The following SIPA1L2 variants were observed in gnomAD, a reference collection of about 807,000 sequenced individuals.
The protein encoded by SIPA1L2 is signal-induced proliferation-associated 1-like protein 2.
A neutral mutation model predicts 163.9 loss-of-function variants in SIPA1L2; 56 were observed. The observed-to-expected ratio is 0.34, with a 90% CI of 0.28 to 0.43. The LOEUF (loss-of-function observed/expected upper bound fraction) is 0.43. Ranked by LOEUF, SIPA1L2 falls within the 20% of genes least tolerant of loss-of-function variation. The probability of loss-of-function intolerance (pLI) is 1.00; values close to 1 mark genes in which losing one functional copy is unlikely to be tolerated. For missense variants in SIPA1L2, 1,974 were observed against 2,193.5 expected (o/e 0.90, Z 2.00); for synonymous variants, 877 against 865.7 (o/e 1.01, Z -0.23).
intron 19 of SIPA1L2, 73 bp downstream of exon 19, chr1:232,415,421 A>G: frequency 1.3e-6 from 2 of 1,496,586 alleles, no homozygotes; most frequent in Non-Finnish European, 1.8e-6. Flanking sequence ...GGGCTCCCCT[A>G]AGATGCCGCA....
intron 2 of SIPA1L2, among the ~76,000 whole-genome samples, chr1:232,519,573 A>AATCACACCTGTCC (rs1376722871): frequency 1.3e-5 from 2 of 152,162 alleles, no homozygotes; most frequent in Non-Finnish European, 2.9e-5. Flanking sequence ...AGCAGCTGTG[A>AATCACACCTGTCC]ATCACACCTG....
intron 2 of SIPA1L2, among the ~76,000 whole-genome samples, chr1:232,543,930 A>C (rs1657849952): frequency 6.6e-6 from 1 of 152,232 alleles, no homozygotes; most frequent in African/African-American, 2.4e-5. Context: ...GCTTCCAAAC[A>C]ACAGTAAGCC....
chr1:232,618,199 A>C (rs1030665725), intron 1 of SIPA1L2, among the ~76,000 whole-genome samples: 1 of 152,242 alleles, frequency 6.6e-6, no homozygotes, highest in African/African-American at 2.4e-5. Flanking sequence ...AATCTTACCC[A>C]GCACTTACTG....
At chr1:232,408,762 T>C in intron 19 of SIPA1L2, among the ~76,000 whole-genome samples, 1 of 152,202 alleles carries the variant, frequency 6.6e-6, no homozygotes, top group East Asian at 1.9e-4. Context: ...ACTTTAGGTA[T>C]CCTGGTTTTA....
chr1:232,604,433 T>G (rs573333437), intron 1 of SIPA1L2, among the ~76,000 whole-genome samples: 46 of 152,230 alleles, frequency 3.0e-4, no homozygotes, highest in Non-Finnish European at 5.4e-4. Flanking sequence ...TAGTTTACTG[T>G]GCACCTACTA....
rs2103046694 is a variant in SIPA1L2, at chr1:232,515,005, G to A, written c.335C>T (p.Ser112Phe). Residue 112 changes from serine to phenylalanine, a missense_variant, in exon 3 of 23, where the codon TCT becomes TTT. Physicochemically the swap from Ser to Phe is radical, Grantham distance 155 (BLOSUM62 -2). This residue lies in a region of SIPA1L2 where 607 missense variants were observed against 624.0 expected (regional missense o/e 0.97). Coordinates refer to ENST00000674635, the MANE Select transcript of SIPA1L2 (RefSeq NM_020808.5). ...GTCACTCTGCCCATTCTGCAGGACAGAAGTGATGCTTTCATAACTGGTCTG... is the reference window on the plus strand; with the variant it reads ...GTCACTCTGCCCATTCTGCAGGACAAAAGTGATGCTTTCATAACTGGTCTG... ...RSQTSYESIT[S>F]VLQNGQSDQS... 6.2e-7 allele frequency: 1 copy of A among 1,614,166 alleles called. No homozygotes were observed. Among genetic ancestry groups the A allele is most frequent in the Non-Finnish European group, 8.5e-7 (1 of 1,180,040 alleles).
At chr1:232,470,967 C>T (rs1178715505) in intron 8 of SIPA1L2, among the ~76,000 whole-genome samples, 1 of 152,174 alleles carries the variant, frequency 6.6e-6, no homozygotes, top group African/African-American at 2.4e-5. Context: ...CTTTTGAAGT[C>T]ACCCAACAAG....
chr1:232,579,438 T>G (rs1299501469), intron 1 of SIPA1L2, among the ~76,000 whole-genome samples: 3 of 152,210 alleles, frequency 2.0e-5, no homozygotes, highest in African/African-American at 7.2e-5. Context: ...TATCCAGGAC[T>G]AAGCACATGC....
At position 232,532,070 on chromosome 1, in the gene SIPA1L2, G is replaced by A. The variant is rs186390411; in HGVS notation, c.-269-16462C>T. Reference sequence around the variant, plus strand: ...GATCTGACTTAGCCATTCTGTTTGCGGTGATGAGGAAAGGCTCCAGGGAAC... The same window carrying A: ...GATCTGACTTAGCCATTCTGTTTGCAGTGATGAGGAAAGGCTCCAGGGAAC... On this transcript the variant is annotated intron_variant, in intron 2 of 22. Coordinates refer to ENST00000674635, the MANE Select transcript of SIPA1L2 (RefSeq NM_020808.5). Among the ~76,000 whole-genome samples, 24 of 152,262 alleles carry A rather than the reference G, an allele frequency of 1.6e-4. No individual in the cohort carries two copies. In the East Asian group the frequency reaches 2.3e-3, roughly 15 times the overall value.
At chr1:232,432,171 G>T in intron 16 of SIPA1L2, 76 bp downstream of exon 16, 2 of 1,163,304 alleles carry the variant, frequency 1.7e-6, no homozygotes, top group South Asian at 1.5e-5. Context: ...CATTTCCTTT[G>T]GGAGGAAAAT....
At chr1:232,501,144 G>C (rs1408328749) in intron 3 of SIPA1L2, among the ~76,000 whole-genome samples, 3 of 136,450 alleles carry the variant, frequency 2.2e-5, no homozygotes, top group African/African-American at 8.3e-5. Flanking sequence ...TGCAAGCTCT[G>C]CCTCCCAGGT....
intron 2 of SIPA1L2, among the ~76,000 whole-genome samples, chr1:232,555,503 C>T (rs1228963453): frequency 6.6e-6 from 1 of 152,160 alleles, no homozygotes; most frequent in African/African-American, 2.4e-5. Flanking sequence ...CCAGTTGCTC[C>T]ACCATATATA....
chr1:232,621,241 G>C (rs185554828), intron 1 of SIPA1L2, among the ~76,000 whole-genome samples: 1 of 152,170 alleles, frequency 6.6e-6, no homozygotes, highest in Non-Finnish European at 1.5e-5. Flanking sequence ...TGAGAGAACA[G>C]GGCAGTTTTT....
chr1:232,425,416 G>C (rs1428476572), intron 18 of SIPA1L2, among the ~76,000 whole-genome samples, 173 bp downstream of exon 18: 1 of 152,056 alleles, frequency 6.6e-6, no homozygotes, highest in Non-Finnish European at 1.5e-5. Context: ...TTTTCAAAAT[G>C]TCCACTCTGG....
chr1:232,535,352 C>T (rs984802939), intron 2 of SIPA1L2, among the ~76,000 whole-genome samples: 1 of 152,082 alleles, frequency 6.6e-6, no homozygotes, highest in Non-Finnish European at 1.5e-5. Context: ...ATCAACATTT[C>T]CATTATAAAT....
intron 2 of SIPA1L2, among the ~76,000 whole-genome samples, chr1:232,565,730 T>C (rs966461276): frequency 6.6e-6 from 1 of 152,192 alleles, no homozygotes; most frequent in African/African-American, 2.4e-5. Flanking sequence ...TTTCTCTCTC[T>C]AAACAAACAA....
chr1:232,585,060 G>GTAGA (rs1266836555), intron 1 of SIPA1L2, among the ~76,000 whole-genome samples: 1 of 152,158 alleles, frequency 6.6e-6, no homozygotes, highest in East Asian at 1.9e-4. Flanking sequence ...CTCAATTGGG[G>GTAGA]TAGAGATCTT....
At chr1:232,479,937 C>T (rs1665241446) in intron 6 of SIPA1L2, among the ~76,000 whole-genome samples, 1 of 152,164 alleles carries the variant, frequency 6.6e-6, no homozygotes, top group East Asian at 1.9e-4. Flanking sequence ...TCCTTTCCTT[C>T]CCCACCGCTT....
At chr1:232,472,046 C>T (rs767721920) in intron 7 of SIPA1L2, among the ~76,000 whole-genome samples, 16 of 152,124 alleles carry the variant, frequency 1.1e-4, no homozygotes, top group Non-Finnish European at 2.2e-4. Flanking sequence ...GAACCCTGGC[C>T]GTTTAAAATG....
Sources: gnomAD v4.1 joint callset for allele counts (sites outside exome capture counted in the v4.1 genomes callset) on GRCh38, gnomAD v4.1.1 for gene constraint, gnomAD v4.1.1 regional missense constraint, MANE v1.5 for transcripts, NCBI Gene and HGNC (gene_info 2026-07-23, HGNC 2026-07-21) for gene names.